Variants in MSRB2 observed in about 807,000 individuals in gnomAD.
The protein encoded by MSRB2 is methionine sulfoxide reductase B2, also known as methionine-R-sulfoxide reductase B2, mitochondrial.
Under a neutral mutation model 19.0 loss-of-function variants are expected in MSRB2, and 17 were observed. The observed-to-expected ratio is 0.89, with a 90% CI of 0.61 to 1.34. The LOEUF is 1.34. MSRB2 is among the 40% of genes most tolerant of loss of function. MSRB2 has a pLI of 0.00. For synonymous variants in MSRB2, 107 were observed against 99.7 expected, an observed-to-expected ratio of 1.07 and a Z score of -0.44; for missense variants, 208 against 237.6, an observed-to-expected ratio of 0.88 and a Z score of 0.82.
Position 23,104,143 on chromosome 10 carries a change from G to C in MSRB2, c.119-1G>C, listed in dbSNP as rs371003828. The C allele has an allele frequency of 1.2e-5, 19 of 1,607,812 alleles. No individual in the cohort carries two copies. The highest frequency in any genetic ancestry group is 1.6e-5 in the Non-Finnish European group (19 of 1,178,130). On this transcript the variant is annotated splice_acceptor_variant, in intron 1 of 4. Transcript: ENST00000376510. LOFTEE classifies it high-confidence loss of function. ...TTTAAAATTCCTGTTTAACAATACA[G>C]GGTCTCTTGCAACGTGTGAGCTGCC...
In MSRB2 at chr10:23,118,128, A is replaced by G. The variant is rs1840133325; in HGVS notation, c.297-1176A>G. ...TGTATAATTTGTTAAATGTTGACAT[A>G]CGTAACTCACAGACAAAAGCTCTCA... On this transcript the variant is annotated intron_variant, in intron 3 of 4. Transcript: ENST00000376510. Among the ~76,000 whole-genome samples the G allele has an allele frequency of 3.3e-5, 5 of 152,178 alleles. No individual in the cohort carries two copies. The South Asian group carries it at 1.0e-3, about 31-fold the overall frequency.
At chr10:23,098,504 C>A (rs541084108) in intron 1 of MSRB2, among the ~76,000 whole-genome samples, 2 of 152,320 alleles carry the variant, frequency 1.3e-5, no homozygotes, top group South Asian at 4.1e-4. Flanking sequence ...CATGCAATAG[C>A]AGCAACCGAT....
rs374377206 is a variant in MSRB2 at position 23,095,586 on chromosome 10, G to C, written c.-23G>C. 67 of 1,473,562 alleles carry C rather than the reference G, an allele frequency of 4.5e-5. No homozygotes were observed. In the African/African-American group the frequency reaches 8.6e-4, roughly 19 times the overall value. The allele number at this position is 1,473,562 out of a possible 1,614,324, so 91.3% of individuals were successfully genotyped here. On this transcript the variant is annotated 5_prime_UTR_variant, in exon 1 of 5. Transcript: ENST00000376510. ...CAGAGACGGGCAGAGGGCAGAGGGC[G>C]GAGCGGCGCCGGAGCGGGCGTCATG...
chr10:23,100,683 G>A (rs1457176260), intron 1 of MSRB2, among the ~76,000 whole-genome samples: 3 of 152,102 alleles, frequency 2.0e-5, no homozygotes, highest in African/African-American at 4.8e-5. Flanking sequence ...TCACTATCAC[G>A]AGAACAGCAC....
intron 4 of MSRB2, 128 bp downstream of exon 4, chr10:23,119,579 TTTC>T (rs1840158447): frequency 8.6e-7 from 1 of 1,160,642 alleles, no homozygotes; most frequent in African/African-American, 1.5e-5. Context: ...ACACATGGGG[TTTC>T]TTTTTTGTTT....
intron 2 of MSRB2, 102 bp downstream of exon 2, chr10:23,104,346 A>G (rs1839962375): frequency 3.7e-6 from 3 of 810,630 alleles, no homozygotes; most frequent in Non-Finnish European, 5.8e-6. Context: ...GCAACACTCC[A>G]CAGGCCTGGT....
chr10:23,118,515 C>A (rs563610010), intron 3 of MSRB2, among the ~76,000 whole-genome samples: 24 of 152,096 alleles, frequency 1.6e-4, no homozygotes, highest in Admixed American at 1.0e-3. Context: ...GATTTGCCTG[C>A]TGTCCTTCTC....
At chr10:23,118,057 T>A (rs551907925) in intron 3 of MSRB2, among the ~76,000 whole-genome samples, 1 of 152,104 alleles carries the variant, frequency 6.6e-6, no homozygotes, top group Non-Finnish European at 1.5e-5. Flanking sequence ...TCAACCTATA[T>A]TAAAAAAAAA....
intron 1 of MSRB2, among the ~76,000 whole-genome samples, chr10:23,101,258 T>G (rs930898262): frequency 2.0e-5 from 3 of 152,156 alleles, no homozygotes; most frequent in Non-Finnish European, 4.4e-5. Flanking sequence ...GAACATACGA[T>G]GTTTGGTTTT....
At chr10:23,114,719 G>C (rs3930530) in intron 3 of MSRB2, among the ~76,000 whole-genome samples, 136,031 of 152,214 alleles carry the variant, frequency 0.89, 61,512 homozygotes, top group Non-Finnish European at 0.96. Context: ...GCTCCCCGTA[G>C]TGTTATTATC....
intron 3 of MSRB2, among the ~76,000 whole-genome samples, chr10:23,111,269 A>T (rs1040761701): frequency 6.6e-6 from 1 of 152,200 alleles, no homozygotes; most frequent in Non-Finnish European, 1.5e-5. Context: ...AACTAGAAGG[A>T]GGTTAATTTT....
chr10:23,096,002 A>G (rs1588965620), intron 1 of MSRB2, among the ~76,000 whole-genome samples: 1 of 148,250 alleles, frequency 6.7e-6, no homozygotes, highest in African/African-American at 2.5e-5. Context: ...TGGCTCGGGG[A>G]GTGGGGGCAT....
chr10:23,118,950 C>A, intron 3 of MSRB2: 1 of 439,646 alleles, frequency 2.3e-6, no homozygotes, highest in Non-Finnish European at 4.6e-6. Context: ...ATTAGTATTT[C>A]GTTTTGATTT....
intron 3 of MSRB2, among the ~76,000 whole-genome samples, chr10:23,113,985 C>G (rs769065631): frequency 6.6e-6 from 1 of 152,104 alleles, no homozygotes; most frequent in Admixed American, 6.5e-5. Context: ...TCCATAAGTA[C>G]GTATTGATTG....
intron 2 of MSRB2, 95 bp from the exon 3 acceptor site, chr10:23,110,146 CT>C: frequency 1.1e-6 from 1 of 911,184 alleles, no homozygotes; most frequent in East Asian, 2.5e-5. Flanking sequence ...ACAGAAATTC[CT>C]TGATTTGGGG....
chr10:23,120,784 T>C lies in MSRB2; in HGVS notation c.471T>C (p.Phe157=). The change falls in exon 5 of 5, where the codon TTT becomes TTC. Residue 157 remains phenylalanine (F), a synonymous_variant. Coordinates refer to ENST00000376510, the MANE Select transcript of MSRB2 (RefSeq NM_012228.4). ...GTGAAGCTCATCTAGGTCACGTGTT[T>C]CCTGATGGACCTGGGCCCAATGGTC... ...KQCEAHLGHV[F]PDGPGPNGQR... 2 of 1,614,138 alleles carry C rather than the reference T, an allele frequency of 1.2e-6. No homozygotes were observed. The highest frequency in any genetic ancestry group is 1.7e-6 in the Non-Finnish European group (2 of 1,180,022).
intron 2 of MSRB2, among the ~76,000 whole-genome samples, chr10:23,109,709 G>T (rs1840028791): frequency 1.3e-5 from 2 of 152,210 alleles, no homozygotes; most frequent in Admixed American, 6.5e-5. Flanking sequence ...CCTGGGCACT[G>T]AGGGGGTGGG....
At chr10:23,099,499 A>G (rs1403325545) in intron 1 of MSRB2, among the ~76,000 whole-genome samples, 2 of 152,222 alleles carry the variant, frequency 1.3e-5, no homozygotes, top group Admixed American at 1.3e-4. Context: ...TTGTACTTAG[A>G]TGAAGGCTTA....
At chr10:23,100,987 TTTTTGTTTTG>T (rs374985718) in intron 1 of MSRB2, among the ~76,000 whole-genome samples, 31 of 152,162 alleles carry the variant, frequency 2.0e-4, no homozygotes, top group Admixed American at 9.2e-4. Flanking sequence ...TGGAAAAGGT[TTTTTGTTTTG>T]TTTTGTTTTG....
Sources: gnomAD v4.1 joint callset for allele counts (sites outside exome capture counted in the v4.1 genomes callset) on GRCh38, gnomAD v4.1.1 for gene constraint, MANE v1.5 for transcripts, NCBI Gene and HGNC (gene_info 2026-07-23, HGNC 2026-07-21) for gene names.